The following STKLD1 variants were observed in gnomAD, a reference collection of about 807,000 sequenced individuals.
STKLD1 encodes serine/threonine kinase-like domain-containing protein STKLD1.
STKLD1 carries 79 observed loss-of-function variants against 80.4 expected under a neutral mutation model. That is an observed-to-expected ratio of 0.98 (90% CI 0.82 to 1.19). The LOEUF (loss-of-function observed/expected upper bound fraction) is 1.19, where lower values mean the gene tolerates loss of function less well. STKLD1 is among the 50% of genes most tolerant of loss of function. The probability of loss-of-function intolerance (pLI) is 0.00; values close to 1 mark genes in which losing one functional copy is unlikely to be tolerated. For missense variants in STKLD1, 841 were observed against 856.0 expected, an observed-to-expected ratio of 0.98 and a Z score of 0.22; for synonymous variants, 393 against 357.6, an observed-to-expected ratio of 1.10 and a Z score of -1.12.
chr9:133,385,533 T>G lies in STKLD1; in HGVS notation c.220-84T>G. The G allele has an allele frequency of 7.3e-7, 1 of 1,370,002 alleles. No homozygotes were observed. The highest frequency in any genetic ancestry group is 1.0e-6 in the Non-Finnish European group (1 of 967,814). The allele number at this position is 1,370,002 out of a possible 1,614,324, so 84.9% of individuals were successfully genotyped here. ...TCAGAGCCCGAGGCTTGCATGTTTG[T>G]TGGGATGTGTGACAGAGAAGCCCGA... is the stretch of plus-strand genomic sequence containing the variant. On this transcript the variant is annotated intron_variant, in intron 3 of 17. Coordinates refer to ENST00000371957, the MANE Select transcript of STKLD1 (RefSeq NM_153710.5). The surrounding 1 kb of genome is among the most constrained non-coding windows in gnomAD (Gnocchi z 4.9).
At chr9:133,383,280 G>A (rs1838185612) in intron 2 of STKLD1, among the ~76,000 whole-genome samples, 5 of 50,834 alleles carry the variant, frequency 9.8e-5, no homozygotes, top group African/African-American at 2.7e-4. Flanking sequence ...TGGTAATGGT[G>A]GTGGTGTGAT....
rs2130284639 is a variant in STKLD1, at chr9:133,389,601, G to A, written c.467+5G>A. The A allele has an allele frequency of 4.3e-6, 7 of 1,613,294 alleles. No individual in the cohort carries two copies. In the African/African-American group the frequency reaches 8.0e-5, roughly 18 times the overall value. ...CCATTTGGACATCATCCACAGGTAA[G>A]TGGGGCCCCTGACCTCTGCGGACTG... On this transcript the variant is annotated splice_donor_5th_base_variant and intron_variant, in intron 6 of 17. Transcript: ENST00000371957. This position sits in a 1 kb window ranked among gnomAD's most constrained non-coding sequence, Gnocchi z 6.4.
chr9:133,381,131 C>CTTTTTT (rs35031853), intron 2 of STKLD1, among the ~76,000 whole-genome samples: 57 of 69,168 alleles, frequency 8.2e-4, no homozygotes, highest in South Asian at 1.2e-3. Context: ...TACGATGTAA[C>CTTTTTT]TTTTTTTTTT....
At position 133,403,814 on chromosome 9, in the gene STKLD1, T is replaced by A; in HGVS notation, c.1589T>A (p.Leu530Gln). 1 of 1,613,534 alleles carries A rather than the reference T, an allele frequency of 6.2e-7. No individual in the cohort carries two copies. Among genetic ancestry groups the A allele is most frequent in the Non-Finnish European group, 8.5e-7 (1 of 1,179,946 alleles). The change falls in exon 15 of 18, where the codon CTG becomes CAG. Residue 530 changes from leucine (L) to glutamine (Q), a missense_variant. By Grantham distance (113) the Leu-to-Gln change is moderately radical. Transcript: ENST00000371957. ...GAAGCCAGCTGCGGAGTCTTCTGGC[T>A]GCTGTCCCTGCTGGGTGAGCTGGGT... Reference protein sequence around the residue: ...MAEASCGVFWLLSLLGCIKEQ... With the variant: ...MAEASCGVFWQLSLLGCIKEQ...
At position 133,389,405 on chromosome 9, in the gene STKLD1, G is replaced by C; in HGVS notation, c.397-121G>C. 6.7e-7 allele frequency: 1 copy of C among 1,485,694 alleles called. No homozygotes were observed. The highest frequency in any genetic ancestry group is 9.0e-7 in the Non-Finnish European group (1 of 1,113,470). The allele number at this position is 1,485,694 out of a possible 1,614,324, so 92.0% of individuals were successfully genotyped here. ...CACCCTGAGCGCTTGGCTGGCTTCA[G>C]GCCTGTCTCAAGATGCAAGGAGAGG... On this transcript the variant is annotated intron_variant, in intron 5 of 17. Coordinates refer to ENST00000371957, the MANE Select transcript of STKLD1 (RefSeq NM_153710.5). This position sits in a 1 kb window ranked among gnomAD's most constrained non-coding sequence, Gnocchi z 6.4.
At position 133,390,653 on chromosome 9, in the gene STKLD1, C is replaced by T; in HGVS notation, c.468-28C>T. 1 of 1,589,594 alleles carries T rather than the reference C, an allele frequency of 6.3e-7. No homozygotes were observed. Among genetic ancestry groups the T allele is most frequent in the Non-Finnish European group, 8.6e-7 (1 of 1,158,818 alleles). ...GCTGCCCAGGTGGCCCCTTGGCATC[C>T]AGAGGCAAACCCACCTCTTGGTTTC... On this transcript the variant is annotated intron_variant, in intron 6 of 17. Transcript: ENST00000371957. The surrounding 1 kb of genome is among the most constrained non-coding windows in gnomAD (Gnocchi z 5.1).
intron 7 of STKLD1, among the ~76,000 whole-genome samples, chr9:133,392,157 A>G (rs1339706076): frequency 6.6e-6 from 1 of 151,472 alleles, no homozygotes. Context: ...GCTCACTGCA[A>G]GCTCCGCCTA....
At chr9:133,393,188 G>GTGGA (rs1213955800) in intron 7 of STKLD1, among the ~76,000 whole-genome samples, 4 of 80,332 alleles carry the variant, frequency 5.0e-5, no homozygotes, top group Admixed American at 1.2e-4. Context: ...GATTGGATGA[G>GTGGA]TGCATGGATG....
In STKLD1 at chr9:133,403,664, C is replaced by T. The variant is rs1838765901; in HGVS notation, c.1475-36C>T. 4 of 1,601,766 alleles carry T rather than the reference C, an allele frequency of 2.5e-6. No individual in the cohort carries two copies. In the South Asian group the frequency reaches 4.4e-5, roughly 18 times the overall value. ...AAGGCCCCCCTGCACACACCCAAGG[C>T]CTGGGTGTCCCCTTCCATCCCTGTC... On this transcript the variant is annotated intron_variant, in intron 14 of 17. Transcript: ENST00000371957.
At chr9:133,402,171 C>T (rs1554777810) in intron 13 of STKLD1, among the ~76,000 whole-genome samples, 1 of 152,208 alleles carries the variant, frequency 6.6e-6, no homozygotes, top group East Asian at 1.9e-4. Context: ...ACTTCCTGCC[C>T]CTTCTGGGAG....
At chr9:133,378,946 A>C in intron 1 of STKLD1, 90 bp from the exon 2 acceptor site, 1 of 1,154,416 alleles carries the variant, frequency 8.7e-7, no homozygotes, top group Non-Finnish European at 1.3e-6. Context: ...CAGGGGAGTT[A>C]GCAGGGCCAG....
intron 9 of STKLD1, among the ~76,000 whole-genome samples, chr9:133,396,556 C>G (rs1186142917): frequency 6.6e-6 from 1 of 152,012 alleles, no homozygotes; most frequent in Non-Finnish European, 1.5e-5. Flanking sequence ...GTGTTCGAGA[C>G]CAGCCTGGCC....
Position 133,404,848 on chromosome 9 carries a change from AAGG to A in STKLD1, c.1795_1797del (p.Glu599del), listed in dbSNP as rs1161713842. 31 of 1,612,910 alleles carry A rather than the reference AAGG, an allele frequency of 1.9e-5. No individual in the cohort carries two copies. Among genetic ancestry groups the A allele is most frequent in the Admixed American group, 5.0e-5 (3 of 59,768 alleles). Reference sequence around the variant, plus strand: ...GGGCGGCAGTGGCCTCAGCCTCATCAAGGAGACCTACCAGCTCCACAGGGACGA... The same window carrying A: ...GGGCGGCAGTGGCCTCAGCCTCATCAAGACCTACCAGCTCCACAGGGACGA... On this transcript the variant is annotated inframe_deletion, in exon 17 of 18. Transcript: ENST00000371957.
chr9:133,390,701 T>A lies in STKLD1; in HGVS notation c.488T>A (p.Ile163Asn), dbSNP rs950562137. The A allele has an allele frequency of 1.2e-6, 2 of 1,613,590 alleles. No homozygotes were observed. Among genetic ancestry groups the A allele is most frequent in the African/African-American group, 1.3e-5 (1 of 74,924 alleles). Residue 163 changes from isoleucine to asparagine, a missense_variant, in exon 7 of 18, where the codon ATC becomes AAC. By Grantham distance (149) the Ile-to-Asn change is moderately radical. Transcript: ENST00000371957. The surrounding 1 kb of genome is among the most constrained non-coding windows in gnomAD (Gnocchi z 5.1). The stretch of plus-strand genomic sequence containing the variant: ...TTCAGGAATCTCAAACCCTCCAACA[T>A]CATCCTCATCAGCAGTGACCACTGC... ...IIHRNLKPSN[I>N]ILISSDHCKL...
intron 16 of STKLD1, 106 bp downstream of exon 16, chr9:133,404,154 AATC>A: frequency 1.5e-6 from 2 of 1,371,260 alleles, no homozygotes; most frequent in Non-Finnish European, 2.0e-6. Context: ...AGAAGCAACA[AATC>A]AAAAAGGAAA....
chr9:133,391,055 A>C (rs994283568), intron 7 of STKLD1, among the ~76,000 whole-genome samples: 1 of 152,194 alleles, frequency 6.6e-6, no homozygotes, highest in Non-Finnish European at 1.5e-5. Flanking sequence ...TGTTTGTGGT[A>C]CCCCAGAAAA....
chr9:133,401,804 C>G lies in STKLD1; in HGVS notation c.1265C>G (p.Ala422Gly). 1 of 1,613,690 alleles carries G rather than the reference C, an allele frequency of 6.2e-7. No individual in the cohort carries two copies. The highest frequency in any genetic ancestry group is 8.5e-7 in the Non-Finnish European group (1 of 1,180,012). Residue 422 changes from alanine to glycine, a missense_variant, in exon 13 of 18, where the codon GCT becomes GGT. By Grantham distance (60) the Ala-to-Gly change is moderately conservative. Transcript: ENST00000371957. ...NQAITSTLLS[A>G]LQSHPEEEPL... ...GCCATCACCTCCACCCTGCTGAGTG[C>G]TCTTCAGAGCCACCCCGAGGAGGAG... is the stretch of plus-strand genomic sequence containing the variant.
rs1022668613 is a variant in STKLD1, at chr9:133,384,963, G to A, written c.220-654G>A. ...GGAGCTTGGCCAGCAAACATTATTGGGTGTATAGTGTGACCGAAGCACAGT... is the reference window on the plus strand; with the variant it reads ...GGAGCTTGGCCAGCAAACATTATTGAGTGTATAGTGTGACCGAAGCACAGT... On this transcript the variant is annotated intron_variant, in intron 3 of 17. Coordinates refer to ENST00000371957, the MANE Select transcript of STKLD1 (RefSeq NM_153710.5). The surrounding 1 kb of genome is among the most constrained non-coding windows in gnomAD (Gnocchi z 4.3). Among the ~76,000 whole-genome samples the A allele has an allele frequency of 2.0e-5, 3 of 152,074 alleles. No homozygotes were observed. Among genetic ancestry groups the A allele is most frequent in the Non-Finnish European group, 4.4e-5 (3 of 68,026 alleles).
chr9:133,395,833 G>A (rs1327692540), intron 9 of STKLD1, 70 bp downstream of exon 9: 2 of 1,512,798 alleles, frequency 1.3e-6, no homozygotes, highest in African/African-American at 2.7e-5. Context: ...CCTAATACAA[G>A]CACAGCTAGT....
Sources: gnomAD v4.1 joint callset for allele counts (sites outside exome capture counted in the v4.1 genomes callset) on GRCh38, gnomAD v4.1.1 for gene constraint, Gnocchi (gnomAD v3.1) non-coding constraint, MANE v1.5 for transcripts, NCBI Gene and HGNC (gene_info 2026-07-23, HGNC 2026-07-21) for gene names.